DNASE1: variants seen among roughly 807,000 people sequenced by gnomAD.
The protein encoded by DNASE1 is deoxyribonuclease-1.
A neutral mutation model predicts 33.9 loss-of-function variants in DNASE1; 40 were observed. That is an observed-to-expected ratio of 1.18 (90% CI 0.92 to 1.54). DNASE1 has a LOEUF of 1.54. Ranked by LOEUF, DNASE1 falls within the 40% of genes most tolerant of loss-of-function variation. The pLI is 0.00. For synonymous variants in DNASE1, 216 were observed against 160.0 expected, an observed-to-expected ratio of 1.35 and a Z score of -2.64; for missense variants, 518 against 372.6, an observed-to-expected ratio of 1.39 and a Z score of -3.21.
At chr16:3,648,753 C>T (rs2042245342) in intron 1 of DNASE1, among the ~76,000 whole-genome samples, 2 of 152,190 alleles carry the variant, frequency 1.3e-5, no homozygotes, top group African/African-American at 4.8e-5. Flanking sequence ...GTTCTGCTTT[C>T]CCTGATTGCC....
chr16:3,654,935 TA>T lies in DNASE1; in HGVS notation c.-110del, dbSNP rs2042498179. ...GTGCTTCTTCAGAGACCTTTCTTCA[TA>T]GACTACTTTTTTTTCTTTAAGCAGC... On this transcript the variant is annotated 5_prime_UTR_variant, in exon 1 of 9. The change creates a new upstream start codon in the 5' untranslated region. Coordinates refer to ENST00000246949, the MANE Select transcript of DNASE1 (RefSeq NM_005223.4). 1 of 460,966 alleles carries T rather than the reference TA, an allele frequency of 2.2e-6. No individual in the cohort carries two copies. The highest frequency in any genetic ancestry group is 3.8e-5 in the Admixed American group (1 of 26,210). 28.6% of individuals were successfully genotyped at this position (460,966 alleles called of 1,614,324 possible).
chr16:3,654,523 CAAGAGACA>C (rs1166532161), upstream of DNASE1: 1 of 398,576 alleles, frequency 2.5e-6, no homozygotes, highest in Non-Finnish European at 4.4e-6. Flanking sequence ...GGCCCCCAGA[CAAGAGACA>C]GGGAGACTGG....
At chr16:3,658,262 G>A, downstream of DNASE1, 2 of 1,535,616 alleles carry the variant, frequency 1.3e-6, no homozygotes, top group Non-Finnish European at 8.9e-7. Flanking sequence ...CCATTATGAG[G>A]GGCATGGGGC....
chr16:3,632,336 A>G (rs576674834), intron 1 of DNASE1, among the ~76,000 whole-genome samples: 8 of 152,298 alleles, frequency 5.3e-5, no homozygotes, highest in African/African-American at 1.9e-4. Context: ...ATAATAGTGA[A>G]TTCATCTGCT....
chr16:3,663,399 C>A (rs548051450), exon 10 of DNASE1: 7 of 1,613,530 alleles, frequency 4.3e-6, no homozygotes, highest in Admixed American at 1.7e-5. Context: ...ACCAGCCCCA[C>A]GCCTAGAGAG....
intron 1 of DNASE1, among the ~76,000 whole-genome samples, chr16:3,631,489 G>A (rs1327455464): frequency 6.6e-5 from 10 of 151,568 alleles, no homozygotes; most frequent in Admixed American, 6.6e-5. Context: ...ACAGGTGTGA[G>A]CCACTGTGCC....
chr16:3,664,520 T>A, exon 10 of DNASE1: 1 of 1,524,310 alleles, frequency 6.6e-7, no homozygotes, highest in Non-Finnish European at 8.8e-7. Flanking sequence ...GTTGCCCAAC[T>A]AACTGGGCGC....
rs2042811688 is a variant in DNASE1, at chr16:3,657,995, C to CCCAT, written c.*45_*48dup. The CCCAT allele has an allele frequency of 4.3e-6, 7 of 1,612,062 alleles. No homozygotes were observed. The Middle Eastern group carries it at 5.0e-4, about 114-fold the overall frequency. On this transcript the variant is annotated 3_prime_UTR_variant, in exon 9 of 9. Coordinates refer to ENST00000246949, the MANE Select transcript of DNASE1 (RefSeq NM_005223.4). ...CCAGTTGAACTGCAGGAAGAGAGGA[C>CCCAT]CCATCCTGCCACAGGACCCAGAAAA...
At chr16:3,643,105 A>T (rs1168317694) in intron 1 of DNASE1, 2 of 153,566 alleles carry the variant, frequency 1.3e-5, no homozygotes, top group Non-Finnish European at 2.9e-5. Flanking sequence ...GATGCTGAGA[A>T]GCTGGGCATG....
intron 1 of DNASE1, among the ~76,000 whole-genome samples, chr16:3,622,213 GAAAAA>G (rs56171298): frequency 1.2e-4 from 8 of 68,268 alleles, no homozygotes; most frequent in Admixed American, 1.1e-3. Context: ...GAGCAAGACT[GAAAAA>G]AAAAAAAAAA....
intron 1 of DNASE1, among the ~76,000 whole-genome samples, chr16:3,623,146 C>T (rs1465855998): frequency 6.6e-6 from 1 of 152,132 alleles, no homozygotes; most frequent in Non-Finnish European, 1.5e-5. Flanking sequence ...ATTTTTGTAC[C>T]ATAGATCAGT....
At position 3,622,196 on chromosome 16, in the gene DNASE1, G is replaced by C. The variant is rs188140251; in HGVS notation, c.-1359+10190G>C. Among the ~76,000 whole-genome samples the C allele has an allele frequency of 3.9e-3, 569 of 147,124 alleles. 3 individuals carry two copies. The highest frequency in any genetic ancestry group is 0.013 in the African/African-American group (524 of 39,704). On this transcript the variant is annotated intron_variant and NMD_transcript_variant, in intron 1 of 11. Coordinates refer to the DNASE1 transcript ENST00000570769. ...GATCACACCACTGTACTCCAGCCTA[G>C]GTGACAGAGCAAGACTGAAAAAAAA...
At chr16:3,645,352 C>A (rs367716777) in intron 1 of DNASE1, among the ~76,000 whole-genome samples, 1 of 152,150 alleles carries the variant, frequency 6.6e-6, no homozygotes, top group Non-Finnish European at 1.5e-5. Context: ...CTTTTCATTG[C>A]GACCCTTGTT....
chr16:3,639,404 C>A (rs1374649023), upstream of DNASE1, among the ~76,000 whole-genome samples: 2 of 152,206 alleles, frequency 1.3e-5, no homozygotes, highest in African/African-American at 4.8e-5. Context: ...CACCCCCACA[C>A]CAACCCCCCG....
intron 8 of DNASE1, 28 bp downstream of exon 8, chr16:3,657,844 T>G: frequency 6.2e-7 from 1 of 1,614,010 alleles, no homozygotes; most frequent in Non-Finnish European, 8.5e-7. Flanking sequence ...CACAGCCACA[T>G]GAGGATGGGA....
rs769436738 is a variant in DNASE1, at chr16:3,657,189, C to T, written c.552C>T (p.Asp184=). The T allele has an allele frequency of 5.6e-6, 9 of 1,614,086 alleles. No individual in the cohort carries two copies. Among genetic ancestry groups the T allele is most frequent in the Admixed American group, 1.7e-5 (1 of 60,026 alleles). ...LDVQEKWGLE[D]VMLMGDFNAG... is the part of the protein sequence containing the mutation. The stretch of plus-strand genomic sequence containing the variant: ...CCACAGGCAGCGTTTCCTGGTAGGA[C>T]GTCATGTTGATGGGCGACTTCAATG... The change falls in exon 7 of 9, where the codon GAC becomes GAT. Residue 184 remains aspartate, a splice_region_variant and synonymous_variant. Coordinates refer to ENST00000246949, the MANE Select transcript of DNASE1 (RefSeq NM_005223.4).
downstream of DNASE1, chr16:3,658,738 G>T (rs1341208752): frequency 6.5e-7 from 1 of 1,542,884 alleles, no homozygotes; most frequent in East Asian, 2.3e-5. Context: ...CTGAAGGCAG[G>T]CTGGCAGGGC....
chr16:3,633,913 A>C (rs945232056), intron 1 of DNASE1, among the ~76,000 whole-genome samples: 10 of 151,690 alleles, frequency 6.6e-5, no homozygotes, highest in Non-Finnish European at 1.0e-4. Flanking sequence ...GATTCACACC[A>C]TTCTCCTACC....
At chr16:3,639,829 A>G (rs2041980943), upstream of DNASE1, among the ~76,000 whole-genome samples, 2 of 152,180 alleles carry the variant, frequency 1.3e-5, no homozygotes, top group African/African-American at 4.8e-5. Flanking sequence ...TGGGAGGCTG[A>G]GGCAGGTGGA....
Sources: allele counts gnomAD v4.1 joint callset (sites outside exome capture counted in the v4.1 genomes callset), GRCh38; gene constraint gnomAD v4.1.1; transcripts MANE v1.5; gene names NCBI Gene and HGNC (gene_info 2026-07-23, HGNC 2026-07-21).